Variants in TAFA2 observed in about 807,000 individuals in gnomAD.
TAFA2 encodes the protein TAFA chemokine like family member 2, also known as chemokine-like protein TAFA-2.
TAFA2 carries 7 observed loss-of-function variants against 18.8 expected under a neutral mutation model. The ratio of observed to expected loss-of-function variants is 0.37; its 90% CI spans 0.21 to 0.70. TAFA2 has a LOEUF of 0.70. Among genes scored for constraint, TAFA2 ranks in the 30% least tolerant of loss-of-function variants. TAFA2 has a pLI of 0.53. For synonymous variants in TAFA2, 60 were observed against 54.2 expected, an observed-to-expected ratio of 1.11 and a Z score of -0.47; for missense variants, 122 against 158.1, an observed-to-expected ratio of 0.77 and a Z score of 1.23.
intron 2 of TAFA2, among the ~76,000 whole-genome samples, chr12:61,834,760 AT>A (rs1182567480): frequency 8.5e-5 from 13 of 152,156 alleles, no homozygotes; most frequent in Admixed American, 2.6e-4. Flanking sequence ...TCAACAGTTG[AT>A]TTTATTATTG....
At chr12:61,751,969 C>T (rs1869037743) in intron 4 of TAFA2, among the ~76,000 whole-genome samples, 1 of 151,838 alleles carries the variant, frequency 6.6e-6, no homozygotes, top group Admixed American at 6.6e-5. Flanking sequence ...AAGAAAAGAA[C>T]TATACGATAT....
At chr12:61,716,832 A>G (rs1869682690) in intron 4 of TAFA2, among the ~76,000 whole-genome samples, 1 of 152,214 alleles carries the variant, frequency 6.6e-6, no homozygotes, top group Admixed American at 6.5e-5. Context: ...ATGTGGTAAT[A>G]CTTCTAAGAG....
chr12:61,825,440 C>T (rs1045299865), intron 2 of TAFA2, among the ~76,000 whole-genome samples: 1 of 151,970 alleles, frequency 6.6e-6, no homozygotes, highest in Non-Finnish European at 1.5e-5. Flanking sequence ...GGGTGTGATA[C>T]ACATTGGATT....
chr12:62,058,874 A>C (rs531872967), intron 1 of TAFA2, among the ~76,000 whole-genome samples: 4 of 152,180 alleles, frequency 2.6e-5, no homozygotes, highest in Admixed American at 2.0e-4. Flanking sequence ...GAGGCCAAGG[A>C]GGGCGGATCA....
chr12:62,239,349 ATTTTAAC>A (rs2062851496), intron 1 of TAFA2, among the ~76,000 whole-genome samples: 2 of 152,142 alleles, frequency 1.3e-5, no homozygotes, highest in Non-Finnish European at 2.9e-5. Context: ...TTATCTCTGT[ATTTTAAC>A]TACCATTAGT....
intron 2 of TAFA2, among the ~76,000 whole-genome samples, chr12:61,798,489 T>C (rs1871279068): frequency 6.6e-6 from 1 of 152,170 alleles, no homozygotes; most frequent in African/African-American, 2.4e-5. Flanking sequence ...ATCATCACCA[T>C]CTATCTCCAG....
At chr12:62,116,654 G>A (rs185485512) in intron 1 of TAFA2, among the ~76,000 whole-genome samples, 39 of 152,252 alleles carry the variant, frequency 2.6e-4, no homozygotes, top group African/African-American at 9.1e-4. Flanking sequence ...CATCTGTGAT[G>A]TACAGACTGT....
intron 1 of TAFA2, among the ~76,000 whole-genome samples, chr12:62,004,945 A>G (rs1044014019): frequency 6.6e-6 from 1 of 152,134 alleles, no homozygotes; most frequent in African/African-American, 2.4e-5. Flanking sequence ...AAAATAATGT[A>G]TGATCTCACT....
intron 4 of TAFA2, among the ~76,000 whole-genome samples, chr12:61,713,516 A>G (rs1468079023): frequency 2.4e-4 from 36 of 152,168 alleles, no homozygotes; most frequent in Admixed American, 2.4e-3. Context: ...ATCCTTTTCA[A>G]CACAAAATAA....
Position 62,071,869 on chromosome 12 carries a change from G to A in TAFA2, c.-2+119390C>T, listed in dbSNP as rs1882639313. ...AAAAAGCAAACTTGTGAGGATAGGG[G>A]AAATACAGTTGTGTTTTGGCTGTGT... On this transcript the variant is annotated intron_variant, in intron 1 of 4. Coordinates refer to ENST00000416284, the MANE Select transcript of TAFA2 (RefSeq NM_178539.5). Among the ~76,000 whole-genome samples the A allele has an allele frequency of 2.0e-5, 3 of 152,158 alleles. No individual in the cohort carries two copies. In the South Asian group the frequency reaches 6.2e-4, roughly 31 times the overall value.
intron 2 of TAFA2, among the ~76,000 whole-genome samples, chr12:61,774,716 G>A (rs1031423543): frequency 6.6e-6 from 1 of 151,442 alleles, no homozygotes; most frequent in Non-Finnish European, 1.5e-5. Context: ...ATTGGGTACA[G>A]TGTACACTCC....
rs1870754879 is a variant in TAFA2 at position 62,133,088 on chromosome 12, A to G, written c.-2+58171T>C. On this transcript the variant is annotated intron_variant, in intron 1 of 4. Transcript: ENST00000416284. ...TCCATAGCATCCTTGACCCTCATCC[A>G]CTATATGTCAATTTTGACACACAGG... Among the ~76,000 whole-genome samples, 3 of 151,834 alleles carry G rather than the reference A, an allele frequency of 2.0e-5. 1 individual carries two copies. The highest frequency in any genetic ancestry group is 4.4e-5 in the Non-Finnish European group (3 of 67,894).
chr12:62,092,484 G>A (rs77765656), intron 1 of TAFA2, among the ~76,000 whole-genome samples: 101 of 151,952 alleles, frequency 6.6e-4, no homozygotes, highest in African/African-American at 2.3e-3. Flanking sequence ...CCCACAGTCA[G>A]TTCTTAGCCT....
chr12:62,225,639 A>G (rs2062782930), intron 1 of TAFA2, among the ~76,000 whole-genome samples: 1 of 152,212 alleles, frequency 6.6e-6, no homozygotes, highest in South Asian at 2.1e-4. Flanking sequence ...AATCAATATT[A>G]AAGAAAAAAA....
At chr12:62,023,641 C>G (rs1458331538) in intron 1 of TAFA2, 2 of 151,752 alleles carry the variant, frequency 1.3e-5, no homozygotes, top group Admixed American at 1.3e-4. Context: ...TTTCCAACAG[C>G]AGCAACATAC....
At chr12:61,926,967 C>T (rs1370216198) in intron 1 of TAFA2, among the ~76,000 whole-genome samples, 2 of 149,158 alleles carry the variant, frequency 1.3e-5, no homozygotes, top group Non-Finnish European at 3.0e-5. Flanking sequence ...CCCAGCTACT[C>T]GGGAGGCTGA....
intron 1 of TAFA2, among the ~76,000 whole-genome samples, chr12:62,177,573 G>A (rs575842959): frequency 9.2e-5 from 14 of 152,262 alleles, no homozygotes; most frequent in South Asian, 2.1e-4. Flanking sequence ...TATTTAAGCC[G>A]TAATTCTGTT....
chr12:61,861,763 A>AT (rs1874140033), intron 2 of TAFA2, among the ~76,000 whole-genome samples: 1 of 152,232 alleles, frequency 6.6e-6, no homozygotes, highest in Non-Finnish European at 1.5e-5. Context: ...ACCGTACTGT[A>AT]TACACATAAT....
intron 2 of TAFA2, among the ~76,000 whole-genome samples, chr12:61,805,297 T>G (rs1034931037): frequency 6.6e-6 from 1 of 152,050 alleles, no homozygotes; most frequent in Admixed American, 6.6e-5. Flanking sequence ...TTCTACAAAC[T>G]GGTACCTGAT....
Sources: allele counts gnomAD v4.1 joint callset (sites outside exome capture counted in the v4.1 genomes callset), GRCh38; gene constraint gnomAD v4.1.1; transcripts MANE v1.5; gene names NCBI Gene and HGNC (gene_info 2026-07-23, HGNC 2026-07-21).